Variants in ELAVL2 observed in about 807,000 individuals in gnomAD.
ELAVL2 encodes the protein ELAV-like protein 2.
ELAVL2 carries 4 observed loss-of-function variants against 34.6 expected under a neutral mutation model. That is an observed-to-expected ratio of 0.12 (90% CI 0.06 to 0.26). The LOEUF (loss-of-function observed/expected upper bound fraction) is 0.26. Among genes scored for constraint, ELAVL2 ranks in the 10% least tolerant of loss-of-function variants. The pLI, the probability that ELAVL2 is intolerant of heterozygous loss-of-function variation, is 1.00. For synonymous variants in ELAVL2, 193 were observed against 154.8 expected (o/e 1.25, Z -1.83); for missense variants, 432 against 442.8 (o/e 0.98, Z 0.22).
chr9:23,725,557 C>T (rs1222865458), intron 3 of ELAVL2, among the ~76,000 whole-genome samples: 2 of 152,154 alleles, frequency 1.3e-5, no homozygotes, highest in Non-Finnish European at 2.9e-5. Flanking sequence ...GGCTGGTTTA[C>T]ACAGCATCTA....
chr9:23,692,575 G>T lies in ELAVL2; in HGVS notation c.1062C>A (p.Asn354Lys). ...GAGCTCATTAGGCTTTGTGCGTTTT[G>T]TTTGTCTTAAAGGAGACCTGCAGTA... ...DRVLQVSFKT[N>K]KTHKA The change falls in exon 7 of 7, where the codon AAC becomes AAA. Residue 354 changes from asparagine to lysine, a missense_variant. Around this residue, in one of 3 missense-constraint regions of ELAVL2, gnomAD observed 295 missense variants for 306.1 expected, o/e 0.96. Transcript: ENST00000397312. 6.2e-7 allele frequency: 1 copy of T among 1,612,626 alleles called. No individual in the cohort carries two copies.
At chr9:23,777,710 GA>G (rs1378041221) in intron 1 of ELAVL2, among the ~76,000 whole-genome samples, 2 of 152,148 alleles carry the variant, frequency 1.3e-5, no homozygotes, top group East Asian at 3.9e-4. Flanking sequence ...ACAGTAATTA[GA>G]CCAAATTTGC....
chr9:23,810,479 T>C (rs879869791), intron 1 of ELAVL2, among the ~76,000 whole-genome samples: 2 of 152,134 alleles, frequency 1.3e-5, no homozygotes, highest in African/African-American at 4.8e-5. Flanking sequence ...TCTAAAGCAA[T>C]TTAATATGGA....
At chr9:23,728,599 C>A (rs932591629) in intron 3 of ELAVL2, among the ~76,000 whole-genome samples, 3 of 151,920 alleles carry the variant, frequency 2.0e-5, no homozygotes, top group Admixed American at 6.6e-5. Flanking sequence ...ACAGCCATCA[C>A]CAGTATAGAT....
intron 4 of ELAVL2, among the ~76,000 whole-genome samples, chr9:23,702,423 C>G (rs943816185): frequency 6.6e-6 from 1 of 152,060 alleles, no homozygotes; most frequent in African/African-American, 2.4e-5. Flanking sequence ...AAGAACCTTT[C>G]CAGGTTATGA....
intron 2 of ELAVL2, among the ~76,000 whole-genome samples, chr9:23,732,186 T>C (rs1008497947): frequency 9.2e-5 from 14 of 152,150 alleles, no homozygotes; most frequent in Non-Finnish European, 1.9e-4. Flanking sequence ...ATCAATTTCA[T>C]AGGGAAGTGA....
chr9:23,725,873 T>A (rs1054259111), intron 3 of ELAVL2, among the ~76,000 whole-genome samples: 7 of 152,134 alleles, frequency 4.6e-5, no homozygotes, highest in African/African-American at 1.4e-4. Flanking sequence ...AAAGCTTTTT[T>A]TCCTCTCCTA....
At chr9:23,693,532 T>C (rs2033971671) in intron 5 of ELAVL2, 46 bp from the exon 6 acceptor site, 1 of 1,612,446 alleles carries the variant, frequency 6.2e-7, no homozygotes, top group African/African-American at 1.3e-5. Context: ...ATTTTTCCCC[T>C]TGATGTTCAA....
rs761154160 is a variant in ELAVL2, at chr9:23,701,514, C to T, written c.578G>A (p.Gly193Asp). 1 of 1,614,060 alleles carries T rather than the reference C, an allele frequency of 6.2e-7. No individual in the cohort carries two copies. Among genetic ancestry groups the T allele is most frequent in the Non-Finnish European group, 8.5e-7 (1 of 1,179,988 alleles). ...CTTTACAGTGATTGGCTCCGTGGCACCGGGAGGTTTCTGGCCATTTAGGCC... is the reference window on the plus strand; with the variant it reads ...CTTTACAGTGATTGGCTCCGTGGCATCGGGAGGTTTCTGGCCATTTAGGCC... ...IKGLNGQKPP[G>D]ATEPITVKFA... Residue 193 changes from glycine to aspartate, a missense_variant, in exon 5 of 7, where the codon GGT becomes GAT. This residue lies in a region of ELAVL2 where 295 missense variants were observed against 306.1 expected (regional missense o/e 0.96). Transcript: ENST00000397312.
At chr9:23,725,166 C>CA (rs1187895898) in intron 3 of ELAVL2, among the ~76,000 whole-genome samples, 2 of 152,148 alleles carry the variant, frequency 1.3e-5, no homozygotes, top group East Asian at 3.9e-4. Context: ...AATAAATACT[C>CA]AAGGTCAATC....
intron 4 of ELAVL2, among the ~76,000 whole-genome samples, chr9:23,701,949 A>AG (rs2133176620): frequency 6.6e-6 from 1 of 152,218 alleles, no homozygotes; most frequent in African/African-American, 2.4e-5. Flanking sequence ...AGTGTACCGG[A>AG]GTTCCATTTT....
chr9:23,772,196 C>T (rs1464545786), intron 1 of ELAVL2, among the ~76,000 whole-genome samples: 8 of 152,242 alleles, frequency 5.3e-5, no homozygotes, highest in Admixed American at 2.0e-4. Flanking sequence ...CAGGGTAGTA[C>T]AAATTGTGAA....
chr9:23,796,434 A>C (rs1259309957), intron 1 of ELAVL2, among the ~76,000 whole-genome samples: 1 of 152,260 alleles, frequency 6.6e-6, no homozygotes, highest in African/African-American at 2.4e-5. Flanking sequence ...CTCAAAAATC[A>C]ATCTTTTCAG....
rs570818874 is a variant in ELAVL2, at chr9:23,696,217, G to T, written c.714-2731C>A. On this transcript the variant is annotated intron_variant, in intron 5 of 6. Transcript: ENST00000397312. ...CAGGCACTGCTGAAGCCCCCTGACT[G>T]TATGCATCTGAGCCCAGAAGTATTT... is the stretch of plus-strand genomic sequence containing the variant. Among the ~76,000 whole-genome samples the T allele has an allele frequency of 3.9e-5, 6 of 152,098 alleles. No homozygotes were observed. In the South Asian group the frequency reaches 1.0e-3, roughly 26 times the overall value.
chr9:23,731,154 A>G (rs745789201), intron 2 of ELAVL2, 29 bp from the exon 3 acceptor site: 15 of 1,597,738 alleles, frequency 9.4e-6, no homozygotes, highest in Non-Finnish European at 1.2e-5. Context: ...AAAAAGGCAT[A>G]TATTAGTTCT....
chr9:23,794,696 A>C (rs1439587120), intron 1 of ELAVL2, among the ~76,000 whole-genome samples: 1 of 152,220 alleles, frequency 6.6e-6, no homozygotes, highest in Non-Finnish European at 1.5e-5. Context: ...AATGTTTAGG[A>C]AAATCATGAA....
intron 2 of ELAVL2, among the ~76,000 whole-genome samples, chr9:23,746,758 T>C (rs145209296): frequency 6.7e-6 from 1 of 150,336 alleles, no homozygotes; most frequent in Non-Finnish European, 1.5e-5. Flanking sequence ...AATGTAAGAC[T>C]GAGACAAGTT....
intron 2 of ELAVL2, among the ~76,000 whole-genome samples, chr9:23,750,916 C>CTT (rs2051810065): frequency 6.6e-6 from 1 of 152,144 alleles, no homozygotes; most frequent in African/African-American, 2.4e-5. Flanking sequence ...CTCCAGTGAC[C>CTT]TTAAAAACAG....
chr9:23,809,530 T>C (rs1044584855), intron 1 of ELAVL2, among the ~76,000 whole-genome samples: 4 of 152,182 alleles, frequency 2.6e-5, no homozygotes, highest in Non-Finnish European at 4.4e-5. Context: ...AAAATTTCCC[T>C]GTAGAGATTG....
Sources: allele counts gnomAD v4.1 joint callset (sites outside exome capture counted in the v4.1 genomes callset), GRCh38; gene constraint gnomAD v4.1.1; regional missense constraint gnomAD v4.1.1; transcripts MANE v1.5; gene names NCBI Gene and HGNC (gene_info 2026-07-23, HGNC 2026-07-21).